The following CCSER1 variants were observed in gnomAD, a reference collection of about 807,000 sequenced individuals.
CCSER1 encodes the protein coiled-coil serine rich protein 1, also known as serine-rich coiled-coil domain-containing protein 1.
In CCSER1, 41 loss-of-function variants were observed where a neutral mutation model predicts 82.0. That is an observed-to-expected ratio of 0.50 (90% confidence interval 0.39 to 0.65). The LOEUF is 0.65. Among genes scored for constraint, CCSER1 ranks in the 30% least tolerant of loss-of-function variants. The pLI, the probability that CCSER1 is intolerant of heterozygous loss-of-function variation, is 0.00. For missense variants in CCSER1, 1,119 were observed against 1,064.2 expected (o/e 1.05, Z -0.72); for synonymous variants, 414 against 383.9 (o/e 1.08, Z -0.92).
intron 1 of CCSER1, among the ~76,000 whole-genome samples, chr4:90,215,997 C>T (rs533533959): frequency 5.3e-5 from 8 of 152,070 alleles, no homozygotes; most frequent in Admixed American, 2.6e-4. Context: ...TAATGAATTC[C>T]GCTCACCAAC....
chr4:90,312,931 G>A lies in CCSER1; in HGVS notation c.1393G>A (p.Glu465Lys), dbSNP rs1735563216. The A allele has an allele frequency of 1.3e-6, 2 of 1,589,222 alleles. No homozygotes were observed. Among genetic ancestry groups the A allele is most frequent in the South Asian group, 1.1e-5 (1 of 87,198 alleles). Residue 465 changes from glutamate (E) to lysine (K), a missense_variant, in exon 3 of 11, where the codon GAA becomes AAA. Glu to Lys is a moderately conservative substitution (Grantham distance 56, BLOSUM62 1). Coordinates refer to ENST00000509176, the MANE Select transcript of CCSER1 (RefSeq NM_001145065.2). ...AGAGAGGAGACTGCGATCCTCGTCA[G>A]AAGGCACTGCAGGGAGTAGCAGAAT... is the stretch of plus-strand genomic sequence containing the variant. ...FIERRLRSSS[E>K]GTAGSSRMIL...
At chr4:90,179,804 CAATT>C (rs1429937399) in intron 1 of CCSER1, among the ~76,000 whole-genome samples, 3 of 151,786 alleles carry the variant, frequency 2.0e-5, no homozygotes, top group Admixed American at 6.6e-5. Context: ...TCCCTTTACT[CAATT>C]AAACTGTACC....
At chr4:90,936,657 A>G (rs1730970739) in intron 9 of CCSER1, among the ~76,000 whole-genome samples, 1 of 152,162 alleles carries the variant, frequency 6.6e-6, no homozygotes, top group South Asian at 2.1e-4. Flanking sequence ...ACTTTCATTA[A>G]GTATATGAAT....
chr4:90,581,308 A>G (rs1781391834), intron 5 of CCSER1, among the ~76,000 whole-genome samples: 1 of 152,178 alleles, frequency 6.6e-6, no homozygotes, highest in South Asian at 2.1e-4. Flanking sequence ...CACATGTAAA[A>G]GATGAATTAT....
intron 1 of CCSER1, chr4:90,235,018 GTCTGCCATC>G (rs1401649412): frequency 1.3e-5 from 2 of 152,252 alleles, no homozygotes; most frequent in Non-Finnish European, 2.9e-5. Context: ...TTCTACTGTT[GTCTGCCATC>G]TCTGTTACCA....
At chr4:91,068,814 G>C (rs1353082311) in intron 9 of CCSER1, among the ~76,000 whole-genome samples, 2 of 152,138 alleles carry the variant, frequency 1.3e-5, no homozygotes, top group South Asian at 2.1e-4. Context: ...CACAACTTTT[G>C]TATACTGATA....
intron 5 of CCSER1, among the ~76,000 whole-genome samples, chr4:90,588,600 C>A (rs535112356): frequency 6.6e-6 from 1 of 152,282 alleles, no homozygotes; most frequent in Non-Finnish European, 1.5e-5. Context: ...TCTGCAGCTT[C>A]CTGACCTCTT....
intron 1 of CCSER1, among the ~76,000 whole-genome samples, chr4:90,298,787 C>A (rs1388315096): frequency 6.6e-6 from 1 of 152,094 alleles, no homozygotes; most frequent in Non-Finnish European, 1.5e-5. Context: ...GAATTTAAAC[C>A]CAGCTGTTCT....
chr4:90,911,845 C>T (rs1726432711), intron 8 of CCSER1, among the ~76,000 whole-genome samples: 1 of 152,200 alleles, frequency 6.6e-6, no homozygotes, highest in Non-Finnish European at 1.5e-5. Flanking sequence ...CCACGCCTGG[C>T]TCAGAGGGTC....
At chr4:90,844,263 G>A (rs1020050572) in intron 8 of CCSER1, among the ~76,000 whole-genome samples, 4 of 151,900 alleles carry the variant, frequency 2.6e-5, no homozygotes, top group African/African-American at 9.7e-5. Flanking sequence ...TAGCAACTGG[G>A]TATTACTAAA....
At chr4:90,140,320 T>C (rs897119806) in intron 1 of CCSER1, among the ~76,000 whole-genome samples, 2 of 152,168 alleles carry the variant, frequency 1.3e-5, no homozygotes, top group African/African-American at 4.8e-5. Flanking sequence ...TGTGTAAATA[T>C]AGCCCTAGGA....
intron 10 of CCSER1, among the ~76,000 whole-genome samples, chr4:91,167,511 C>T (rs538884265): frequency 1.3e-5 from 2 of 152,222 alleles, no homozygotes; most frequent in East Asian, 3.9e-4. Context: ...AACTTAAGTG[C>T]AATATCTTAT....
chr4:90,308,787 A>G lies in CCSER1; in HGVS notation c.503A>G (p.Gln168Arg). The change falls in exon 2 of 11, where the codon CAA becomes CGA. Residue 168 changes from glutamine (Q) to arginine (R), a missense_variant. Physicochemically the swap from Gln to Arg is conservative, Grantham distance 43. Transcript: ENST00000509176. ...GATGATTCTGGTTTCACAGAAGACCAAACTCGTCGTTCTGTTAAGCAGTCA... is the reference window on the plus strand; with the variant it reads ...GATGATTCTGGTTTCACAGAAGACCGAACTCGTCGTTCTGTTAAGCAGTCA... Reference protein sequence around the residue: ...EGDDSGFTEDQTRRSVKQSTR... With the variant: ...EGDDSGFTEDRTRRSVKQSTR... 1 of 1,613,842 alleles carries G rather than the reference A, an allele frequency of 6.2e-7. No individual in the cohort carries two copies. The highest frequency in any genetic ancestry group is 8.5e-7 in the Non-Finnish European group (1 of 1,179,844).
At chr4:91,391,539 G>C (rs1389392292) in intron 10 of CCSER1, among the ~76,000 whole-genome samples, 4 of 152,040 alleles carry the variant, frequency 2.6e-5, no homozygotes, top group Admixed American at 2.6e-4. Flanking sequence ...GGGCTCAAGT[G>C]ATCTACCCGC....
rs768302670 is a variant in CCSER1, at chr4:90,764,440, A to G, written c.2010+40449A>G. On this transcript the variant is annotated intron_variant, in intron 7 of 10. Coordinates refer to ENST00000509176, the MANE Select transcript of CCSER1 (RefSeq NM_001145065.2). ...TCAATAATAAGACTGAATTTATGGA[A>G]TGCACAAATAATACTGATTAATTTT... Among the ~76,000 whole-genome samples the G allele has an allele frequency of 3.3e-5, 5 of 152,302 alleles. No homozygotes were observed. In the South Asian group the frequency reaches 8.3e-4, roughly 25 times the overall value.
At chr4:91,358,852 T>A (rs1321572788) in intron 10 of CCSER1, among the ~76,000 whole-genome samples, 1 of 152,120 alleles carries the variant, frequency 6.6e-6, no homozygotes, top group Non-Finnish European at 1.5e-5. Context: ...TCAGGCTGGC[T>A]GGAGTCCCCC....
intron 6 of CCSER1, among the ~76,000 whole-genome samples, chr4:90,631,896 A>G (rs1301792273): frequency 8.5e-5 from 13 of 152,218 alleles, no homozygotes; most frequent in Non-Finnish European, 2.9e-5. Flanking sequence ...TAAAGTATAT[A>G]TGAAACATAA....
chr4:91,332,318 C>T (rs763301987), intron 10 of CCSER1, among the ~76,000 whole-genome samples: 2 of 151,700 alleles, frequency 1.3e-5, no homozygotes, highest in African/African-American at 4.8e-5. Context: ...AATATTATCC[C>T]TCTCATTGTC....
At chr4:90,979,926 A>T (rs1206824041) in intron 9 of CCSER1, among the ~76,000 whole-genome samples, 2 of 151,782 alleles carry the variant, frequency 1.3e-5, no homozygotes, top group Non-Finnish European at 2.9e-5. Context: ...ATATAATTTT[A>T]AGCAAAGCAG....
Sources: allele counts gnomAD v4.1 joint callset (sites outside exome capture counted in the v4.1 genomes callset), GRCh38; gene constraint gnomAD v4.1.1; transcripts MANE v1.5; gene names NCBI Gene and HGNC (gene_info 2026-07-23, HGNC 2026-07-21).